GLCE: variants seen among roughly 807,000 people sequenced by gnomAD.
The protein encoded by GLCE is D-glucuronyl C5-epimerase.
In GLCE, 19 loss-of-function variants were observed where a neutral mutation model predicts 47.9. The ratio of observed to expected loss-of-function variants is 0.40; its 90% CI spans 0.28 to 0.58. GLCE has a LOEUF of 0.58. GLCE is among the 20% of genes least tolerant of loss of function. The pLI, the probability that GLCE is intolerant of heterozygous loss-of-function variation, is 0.48. For synonymous variants in GLCE, 245 were observed against 263.4 expected, an observed-to-expected ratio of 0.93 and a Z score of 0.68; for missense variants, 556 against 743.3, an observed-to-expected ratio of 0.75 and a Z score of 2.93.
chr15:69,222,270 G>A (rs1271125561), intron 2 of GLCE, among the ~76,000 whole-genome samples: 1 of 152,224 alleles, frequency 6.6e-6, no homozygotes, highest in Non-Finnish European at 1.5e-5. Context: ...GGGCTTAAGT[G>A]CTCCTGTGGG....
At chr15:69,169,435 GT>G (rs1185589758) in intron 1 of GLCE, among the ~76,000 whole-genome samples, 1 of 151,968 alleles carries the variant, frequency 6.6e-6, no homozygotes, top group African/African-American at 2.4e-5. Context: ...AAGTTCTGGG[GT>G]ACATATGCAC....
At chr15:69,164,390 G>A (rs2051471467) in intron 1 of GLCE, among the ~76,000 whole-genome samples, 1 of 151,370 alleles carries the variant, frequency 6.6e-6, no homozygotes, top group Admixed American at 6.6e-5. Context: ...GTGTGTCCTT[G>A]GATAATTCCT....
intron 2 of GLCE, among the ~76,000 whole-genome samples, chr15:69,212,334 T>C (rs1302171903): frequency 6.6e-6 from 1 of 152,030 alleles, no homozygotes; most frequent in Non-Finnish European, 1.5e-5. Context: ...ATTTGTGTTC[T>C]AGTTGTGGTA....
chr15:69,269,183 T>C lies in GLCE; in HGVS notation c.1793T>C (p.Phe598Ser). Residue 598 changes from phenylalanine to serine, a missense_variant, in exon 5 of 5, where the codon TTC becomes TCC. Physicochemically the swap from Phe to Ser is radical, Grantham distance 155 (BLOSUM62 -2). Transcript: ENST00000261858. ...LLSTIDESPV[F>S]KEFVKRWKSY... ...AGTACCATTGATGAGTCCCCAGTCT[T>C]CAAAGAATTTGTCAAGAGGTGGAAA... The C allele has an allele frequency of 1.9e-6, 3 of 1,614,032 alleles. No homozygotes were observed. The highest frequency in any genetic ancestry group is 1.7e-6 in the Non-Finnish European group (2 of 1,179,970).
At chr15:69,170,103 C>T (rs1163536837) in intron 1 of GLCE, among the ~76,000 whole-genome samples, 1 of 152,042 alleles carries the variant, frequency 6.6e-6, no homozygotes, top group Non-Finnish European at 1.5e-5. Flanking sequence ...TAGACATTGC[C>T]ATATTGCTTT....
chr15:69,234,008 G>T (rs1374809859), intron 2 of GLCE, among the ~76,000 whole-genome samples: 1 of 149,368 alleles, frequency 6.7e-6, no homozygotes, highest in Non-Finnish European at 1.5e-5. Context: ...ACAGAGTTTC[G>T]CTCTTGTTGC....
intron 1 of GLCE, among the ~76,000 whole-genome samples, chr15:69,202,625 A>G (rs2140365234): frequency 6.6e-6 from 1 of 152,264 alleles, no homozygotes; most frequent in Non-Finnish European, 1.5e-5. Context: ...GCAATAGGAA[A>G]CTTCAGTAAT....
intron 2 of GLCE, among the ~76,000 whole-genome samples, chr15:69,239,976 T>C (rs2052644283): frequency 6.6e-6 from 1 of 152,158 alleles, no homozygotes; most frequent in South Asian, 2.1e-4. Flanking sequence ...CTAAAAGTAA[T>C]ATTGGGTGAA....
intron 2 of GLCE, among the ~76,000 whole-genome samples, chr15:69,251,091 G>A (rs2052838400): frequency 6.6e-6 from 1 of 152,034 alleles, no homozygotes; most frequent in African/African-American, 2.4e-5. Context: ...ATTGAGTTGA[G>A]GAGACAGGAC....
At chr15:69,181,152 A>G (rs978414114) in intron 1 of GLCE, among the ~76,000 whole-genome samples, 4 of 152,212 alleles carry the variant, frequency 2.6e-5, no homozygotes, top group African/African-American at 9.6e-5. Flanking sequence ...GGGTAAAACT[A>G]TGATGGAAGA....
Position 69,208,806 on chromosome 15 carries a change from C to T in GLCE, c.-104-1510C>T, listed in dbSNP as rs576665453. 1.1e-3 allele frequency among the ~76,000 whole-genome samples: 161 copies of T among 152,076 alleles called. 2 individuals are homozygous for T. The South Asian group carries it at 0.032, about 30-fold the overall frequency. ...TTTCCTGATGCATACATCAGCATTTCGTTGTTGTTAGCATATAGCTCTTGT... is the reference window on the plus strand; with the variant it reads ...TTTCCTGATGCATACATCAGCATTTTGTTGTTGTTAGCATATAGCTCTTGT... On this transcript the variant is annotated intron_variant, in intron 1 of 4. Transcript: ENST00000261858.
At chr15:69,260,602 T>A (rs2053000401) in intron 3 of GLCE, 1 of 155,284 alleles carries the variant, frequency 6.4e-6, no homozygotes, top group Admixed American at 6.3e-5. Context: ...TCAGATGACA[T>A]ACCTAATTAG....
rs187497740 is a variant in GLCE, at chr15:69,263,927, T to A, written c.829+2598T>A. Among the ~76,000 whole-genome samples, 185 of 152,346 alleles carry A rather than the reference T, an allele frequency of 1.2e-3. 2 individuals are homozygous for A. Among genetic ancestry groups the A allele is most frequent in the South Asian group, 2.9e-3 (14 of 4,820 alleles). Reference sequence around the variant, plus strand: ...ATGTATACAATGTGATGCTTTGATATACATATATGTTGTGAAATGACTGCC... The same window carrying A: ...ATGTATACAATGTGATGCTTTGATAAACATATATGTTGTGAAATGACTGCC... On this transcript the variant is annotated intron_variant, in intron 4 of 4. Coordinates refer to ENST00000261858, the MANE Select transcript of GLCE (RefSeq NM_015554.3).
At chr15:69,164,867 A>G (rs756993718) in intron 1 of GLCE, among the ~76,000 whole-genome samples, 1 of 152,182 alleles carries the variant, frequency 6.6e-6, no homozygotes, top group Admixed American at 6.5e-5. Flanking sequence ...TAGATTATCT[A>G]TATAATAATA....
chr15:69,172,255 G>T (rs186146179), intron 1 of GLCE, among the ~76,000 whole-genome samples: 1 of 152,146 alleles, frequency 6.6e-6, no homozygotes, highest in East Asian at 1.9e-4. Flanking sequence ...TCAGAGCTTG[G>T]TGTCATTCCT....
chr15:69,234,865 A>T (rs868019502), intron 2 of GLCE, among the ~76,000 whole-genome samples: 20 of 152,318 alleles, frequency 1.3e-4, no homozygotes, highest in Middle Eastern at 6.8e-3. Flanking sequence ...CTACCAATAT[A>T]TCATTCTGTG....
At chr15:69,221,214 T>C (rs185129466) in intron 2 of GLCE, among the ~76,000 whole-genome samples, 19 of 152,334 alleles carry the variant, frequency 1.2e-4, no homozygotes, top group Admixed American at 2.6e-4. Context: ...TAAGATTGTT[T>C]TGGCTATTTG....
At chr15:69,238,895 A>G (rs2052628596) in intron 2 of GLCE, among the ~76,000 whole-genome samples, 1 of 152,356 alleles carries the variant, frequency 6.6e-6, no homozygotes, top group East Asian at 1.9e-4. Context: ...AAGGAATTCA[A>G]TCTAGAGAAA....
Position 69,270,590 on chromosome 15 carries a change from C to T in GLCE, c.*1346C>T, listed in dbSNP as rs1023878283. The T allele has an allele frequency of 3.3e-5, 5 of 152,080 alleles. No homozygotes were observed. Among genetic ancestry groups the T allele is most frequent in the Non-Finnish European group, 5.9e-5 (4 of 68,018 alleles). The allele number at this position is 152,080 out of a possible 1,614,324, so 9.4% of individuals were successfully genotyped here. ...ATGATACCCTACACTTTCAGGGGAC[C>T]GAGTCTGACAAACACAATACATTTA... On this transcript the variant is annotated 3_prime_UTR_variant, in exon 5 of 5. Transcript: ENST00000261858.
Sources: gnomAD v4.1 joint callset for allele counts (sites outside exome capture counted in the v4.1 genomes callset) on GRCh38, gnomAD v4.1.1 for gene constraint, MANE v1.5 for transcripts, NCBI Gene and HGNC (gene_info 2026-07-23, HGNC 2026-07-21) for gene names.